Variants in ZNF385B observed in about 807,000 individuals in gnomAD.
ZNF385B encodes zinc finger protein 385B, also known as zinc finger protein 533.
A neutral mutation model predicts 39.2 loss-of-function variants in ZNF385B; 23 were observed. That is an observed-to-expected ratio of 0.59 (90% CI 0.42 to 0.83). The LOEUF is 0.83. Ranked by LOEUF, ZNF385B falls within the 40% of genes least tolerant of loss-of-function variation. The pLI, the probability that ZNF385B is intolerant of heterozygous loss-of-function variation, is 0.00. For synonymous variants in ZNF385B, 205 were observed against 222.6 expected (o/e 0.92, Z 0.70); for missense variants, 552 against 598.9 (o/e 0.92, Z 0.82).
Position 179,603,238 on chromosome 2 carries a change from T to G in ZNF385B, c.299-58269A>C, listed in dbSNP as rs533604687. 2.0e-5 allele frequency among the ~76,000 whole-genome samples: 3 copies of G among 152,240 alleles called. No individual in the cohort carries two copies. The South Asian group carries it at 6.2e-4, about 32-fold the overall frequency. On this transcript the variant is annotated intron_variant, in intron 3 of 9. Transcript: ENST00000410066. ...ATCTAAGCCACAATTTCCTCACCTA[T>G]GAAGTAAGGATAACAGTATTACCCA...
intron 3 of ZNF385B, among the ~76,000 whole-genome samples, chr2:179,705,461 C>T (rs1699520910): frequency 1.3e-5 from 2 of 152,208 alleles, no homozygotes; most frequent in African/African-American, 2.4e-5. Context: ...ATGATTTCAA[C>T]ATCCACATGG....
At chr2:179,519,355 A>C (rs1294271425) in intron 4 of ZNF385B, among the ~76,000 whole-genome samples, 1 of 152,244 alleles carries the variant, frequency 6.6e-6, no homozygotes, top group Non-Finnish European at 1.5e-5. Flanking sequence ...CTATAGACTG[A>C]AATTCATTCT....
intron 3 of ZNF385B, among the ~76,000 whole-genome samples, chr2:179,599,868 T>G (rs925776617): frequency 6.6e-6 from 1 of 152,114 alleles, no homozygotes; most frequent in Non-Finnish European, 1.5e-5. Context: ...CAGGAAGAAA[T>G]TTCTTCTATG....
chr2:179,452,399 C>G (rs115314059), intron 6 of ZNF385B, among the ~76,000 whole-genome samples: 2,078 of 152,038 alleles, frequency 0.014, 43 homozygotes, highest in Middle Eastern at 0.037. Context: ...CCTCAGAAGA[C>G]TAATATGCTA....
chr2:179,643,514 G>T (rs903857627), intron 3 of ZNF385B, among the ~76,000 whole-genome samples: 1 of 152,122 alleles, frequency 6.6e-6, no homozygotes, highest in Non-Finnish European at 1.5e-5. Flanking sequence ...CAAATGGAAT[G>T]AAATACTGCT....
At chr2:179,755,120 T>C (rs1476116902) in intron 3 of ZNF385B, among the ~76,000 whole-genome samples, 1 of 152,202 alleles carries the variant, frequency 6.6e-6, no homozygotes, top group Non-Finnish European at 1.5e-5. Flanking sequence ...CCAGAGATTC[T>C]GGTATGTTGT....
chr2:179,549,603 T>C (rs2060443384), intron 3 of ZNF385B, among the ~76,000 whole-genome samples: 1 of 149,766 alleles, frequency 6.7e-6, no homozygotes, highest in African/African-American at 2.5e-5. Context: ...TTTCCCAGAC[T>C]CATTAAAATT....
intron 5 of ZNF385B, among the ~76,000 whole-genome samples, chr2:179,517,718 C>A (rs1050883352): frequency 6.6e-6 from 1 of 152,146 alleles, no homozygotes; most frequent in East Asian, 1.9e-4. Context: ...TGATTTACAT[C>A]GGTCATTGGC....
chr2:179,664,057 AAT>A (rs200150780), intron 3 of ZNF385B, among the ~76,000 whole-genome samples: 4 of 128,210 alleles, frequency 3.1e-5, no homozygotes, highest in Non-Finnish European at 3.4e-5. Flanking sequence ...TTAAGTAAAA[AAT>A]ATTTTTTTTT....
At chr2:179,787,925 A>G (rs1705100918) in intron 1 of ZNF385B, among the ~76,000 whole-genome samples, 1 of 152,220 alleles carries the variant, frequency 6.6e-6, no homozygotes, top group African/African-American at 2.4e-5. Flanking sequence ...AGATAAAGGA[A>G]TGGCTCTATA....
chr2:179,841,767 A>G (rs1708546436), intron 1 of ZNF385B, among the ~76,000 whole-genome samples: 1 of 152,222 alleles, frequency 6.6e-6, no homozygotes, highest in Non-Finnish European at 1.5e-5. Flanking sequence ...ATTTCTTCCT[A>G]TCCTAGCACA....
rs375143485 is a variant in ZNF385B, at chr2:179,590,963, T to C, written c.299-45994A>G. On this transcript the variant is annotated intron_variant, in intron 3 of 9. Coordinates refer to ENST00000410066, the MANE Select transcript of ZNF385B (RefSeq NM_152520.6). ...GCAGTATGAAAATGAACTAATACAC[T>C]GACCTACATTTACTTATAATGACTA... Among the ~76,000 whole-genome samples the C allele has an allele frequency of 3.3e-5, 5 of 152,258 alleles. No homozygotes were observed. In the East Asian group the frequency reaches 5.8e-4, roughly 18 times the overall value.
chr2:179,647,793 G>T (rs980340193), intron 3 of ZNF385B, among the ~76,000 whole-genome samples: 1 of 152,250 alleles, frequency 6.6e-6, no homozygotes, highest in African/African-American at 2.4e-5. Flanking sequence ...AGATGAGGTG[G>T]TCTAAGCCAC....
intron 5 of ZNF385B, among the ~76,000 whole-genome samples, chr2:179,486,303 G>A (rs1396173356): frequency 6.6e-6 from 1 of 151,994 alleles, no homozygotes; most frequent in African/African-American, 2.4e-5. Flanking sequence ...TTTACAAACG[G>A]GAAACTGGGA....
intron 5 of ZNF385B, among the ~76,000 whole-genome samples, chr2:179,499,708 C>A (rs1158245446): frequency 6.6e-6 from 1 of 151,934 alleles, no homozygotes; most frequent in Non-Finnish European, 1.5e-5. Flanking sequence ...AAACTTAAAA[C>A]CTTTCCTCTA....
chr2:179,671,879 C>T (rs1696056016), intron 3 of ZNF385B, among the ~76,000 whole-genome samples: 1 of 152,272 alleles, frequency 6.6e-6, no homozygotes, highest in African/African-American at 2.4e-5. Flanking sequence ...GTCACCAGGA[C>T]AGCACCACTG....
intron 6 of ZNF385B, among the ~76,000 whole-genome samples, chr2:179,480,708 T>TA (rs1242433571): frequency 1.3e-5 from 2 of 152,060 alleles, no homozygotes; most frequent in Non-Finnish European, 2.9e-5. Flanking sequence ...TTTTTTTTTT[T>TA]TAAGTGCCAT....
chr2:179,473,670 C>G (rs750462227), intron 6 of ZNF385B, among the ~76,000 whole-genome samples: 2 of 152,172 alleles, frequency 1.3e-5, no homozygotes, highest in East Asian at 1.9e-4. Context: ...TCATCCCCCC[C>G]CATTGCCCCT....
At chr2:179,546,292 C>A (rs1427739041) in intron 3 of ZNF385B, among the ~76,000 whole-genome samples, 1 of 152,176 alleles carries the variant, frequency 6.6e-6, no homozygotes, top group Non-Finnish European at 1.5e-5. Flanking sequence ...CAGTCTCGAC[C>A]TCCCAAAGTG....
Sources: gnomAD v4.1 joint callset for allele counts (sites outside exome capture counted in the v4.1 genomes callset) on GRCh38, gnomAD v4.1.1 for gene constraint, MANE v1.5 for transcripts, NCBI Gene and HGNC (gene_info 2026-07-23, HGNC 2026-07-21) for gene names.